CIMAP1A: variants seen among roughly 807,000 people sequenced by gnomAD.
CIMAP1A encodes ciliary microtubule associated protein 1A, also known as cancer/testis antigen 135.
chr11:198,239 C>T, the CIMAP1A span: 3 of 1,614,074 alleles, frequency 1.9e-6, no homozygotes, highest in Non-Finnish European at 2.5e-6. Context: ...ACGTGTTCGA[C>T]TCAGCACCCA....
chr11:199,245 C>T, the CIMAP1A span: 5 of 1,485,104 alleles, frequency 3.4e-6, no homozygotes, highest in South Asian at 2.7e-5. Flanking sequence ...CAGAAGGGGA[C>T]CTTGATGCAC....
chr11:198,177 GCC>G, the CIMAP1A span: 7 of 1,610,014 alleles, frequency 4.3e-6, no homozygotes, highest in Non-Finnish European at 5.9e-6. Flanking sequence ...TGTCCCAGCA[GCC>G]CCCTTGGCTC....
chr11:198,061 C>T, the CIMAP1A span: 1 of 1,544,300 alleles, frequency 6.5e-7, no homozygotes, highest in Non-Finnish European at 8.7e-7. Context: ...CTGGACACCC[C>T]CTGACCCGAC....
At chr11:197,065 T>C in the CIMAP1A span, 1 of 390,514 alleles carries the variant, frequency 2.6e-6, no homozygotes, top group East Asian at 4.5e-5. Context: ...AGGGCCAGCA[T>C]GGACAGCAAC....
At chr11:198,013 G>A in the CIMAP1A span, 2 of 1,537,756 alleles carry the variant, frequency 1.3e-6, no homozygotes, top group Non-Finnish European at 1.7e-6. Flanking sequence ...CTCAAAAATA[G>A]CCTTTGTCTC....
the CIMAP1A span, chr11:198,436 G>C: frequency 3.6e-3 from 5,838 of 1,613,190 alleles, 21 homozygotes; most frequent in Non-Finnish European, 4.4e-3. Flanking sequence ...GCCCTGTTCC[G>C]GCCTGAGGCT....
the CIMAP1A span, chr11:199,910 G>A: frequency 4.3e-6 from 7 of 1,611,710 alleles, no homozygotes; most frequent in Non-Finnish European, 4.2e-6. Context: ...GGGGGCAGGG[G>A]TGCTGGTTCC....
At chr11:197,490 C>A in the CIMAP1A span, 1 of 1,594,508 alleles carries the variant, frequency 6.3e-7, no homozygotes, top group Non-Finnish European at 8.6e-7. Context: ...GCCTGGGGCT[C>A]AATCCCTGAC....
At chr11:197,179 G>A in the CIMAP1A span, 1 of 630,250 alleles carries the variant, frequency 1.6e-6, no homozygotes, top group Non-Finnish European at 2.7e-6. Flanking sequence ...TGATGCTGCA[G>A]CAGGTTCCGC....
chr11:198,207 T>C, the CIMAP1A span: 1 of 1,613,848 alleles, frequency 6.2e-7, no homozygotes, highest in Non-Finnish European at 8.5e-7. Flanking sequence ...AGGTGACTAC[T>C]TTCCAGAGAA....
At chr11:197,789 C>T in the CIMAP1A span, 1 of 1,606,572 alleles carries the variant, frequency 6.2e-7, no homozygotes. Context: ...AGGCTCCTGC[C>T]CTGCGCAGCC....
chr11:198,148 G>C, the CIMAP1A span: 1 of 1,588,892 alleles, frequency 6.3e-7, no homozygotes, highest in Non-Finnish European at 8.6e-7. Context: ...CCCCAAACTG[G>C]GCTGCATACC....
At chr11:199,242 G>A in the CIMAP1A span, 2 of 1,483,296 alleles carry the variant, frequency 1.3e-6, no homozygotes, top group African/African-American at 1.4e-5. Context: ...AGACAGAAGG[G>A]GACCTTGATG....
chr11:196,776 G>C, the CIMAP1A span: 25,201 of 151,064 alleles, frequency 0.17, 2,470 homozygotes, highest in Non-Finnish European at 0.22. Flanking sequence ...CCCCAATTCT[G>C]TAAGCCCATG....
the CIMAP1A span, chr11:197,905 G>A: frequency 1.3e-6 from 2 of 1,492,548 alleles, no homozygotes; most frequent in East Asian, 4.9e-5. Flanking sequence ...CTCTTGAGGG[G>A]TCACCATCGT....
the CIMAP1A span, chr11:197,272 TG>T: frequency 6.7e-7 from 1 of 1,490,510 alleles, no homozygotes. Flanking sequence ...TCCCAGCACC[TG>T]GTAACCCTCT....
the CIMAP1A span, chr11:197,458 G>T: frequency 1.5e-5 from 24 of 1,591,284 alleles, no homozygotes; most frequent in Non-Finnish European, 2.1e-5. Flanking sequence ...AGCCAGGCGG[G>T]CAGGTGGGGG....
chr11:197,989 C>T, the CIMAP1A span: 1 of 1,534,644 alleles, frequency 6.5e-7, no homozygotes. Context: ...CGACGTCAGA[C>T]CCCACTCTCC....
the CIMAP1A span, chr11:198,954 G>A: frequency 1.7e-6 from 2 of 1,189,870 alleles, no homozygotes; most frequent in Non-Finnish European, 1.0e-6. Context: ...AACAGCCAGT[G>A]CAAAGCCCCT....
Sources: allele counts gnomAD v4.1 joint callset, GRCh38; gene constraint gnomAD v4.1.1; transcripts MANE v1.5; gene names NCBI Gene and HGNC (gene_info 2026-07-23, HGNC 2026-07-21).